SLC4A4: variants seen among roughly 807,000 people sequenced by gnomAD.
SLC4A4 encodes the protein solute carrier family 4 member 4, also known as electrogenic sodium bicarbonate cotransporter 1.
Under a neutral mutation model 111.5 loss-of-function variants are expected in SLC4A4, and 27 were observed. That is an observed-to-expected ratio of 0.24 (90% confidence interval 0.18 to 0.33). The LOEUF (loss-of-function observed/expected upper bound fraction) is 0.33, where lower values mean the gene tolerates loss of function less well. Among genes scored for constraint, SLC4A4 ranks in the 10% least tolerant of loss-of-function variants. The probability of loss-of-function intolerance (pLI) is 1.00; values close to 1 mark genes in which losing one functional copy is unlikely to be tolerated. For missense variants in SLC4A4, 909 were observed against 1,315.5 expected, an observed-to-expected ratio of 0.69 and a Z score of 4.78; for synonymous variants, 443 against 463.4, an observed-to-expected ratio of 0.96 and a Z score of 0.57.
chr4:71,101,379 A>G (rs766541236), intron 2 of SLC4A4, among the ~76,000 whole-genome samples: 2 of 152,252 alleles, frequency 1.3e-5, no homozygotes, highest in Non-Finnish European at 2.9e-5. Flanking sequence ...AACTACATTG[A>G]CATTCAAACA....
chr4:71,493,332 T>C (rs1346495150), intron 15 of SLC4A4, among the ~76,000 whole-genome samples: 2 of 152,010 alleles, frequency 1.3e-5, no homozygotes, highest in Admixed American at 6.6e-5. Context: ...CCAGCAACTC[T>C]AAATTGAAAG....
rs113212960 is a variant in SLC4A4, at chr4:71,332,492, G to T, written c.254-6878G>T. 1.3e-4 allele frequency among the ~76,000 whole-genome samples: 20 copies of T among 148,992 alleles called. No individual in the cohort carries two copies. The East Asian group carries it at 2.7e-3, about 20-fold the overall frequency. ...CGGAGTCTCGTTCTGTCGCCCAGGCGGGAGTGCTGTGGCGCGATCTCCGCT... is the reference window on the plus strand; with the variant it reads ...CGGAGTCTCGTTCTGTCGCCCAGGCTGGAGTGCTGTGGCGCGATCTCCGCT... On this transcript the variant is annotated intron_variant, in intron 3 of 25. Transcript: ENST00000264485.
chr4:71,089,593 G>C (rs1742314815), intron 1 of SLC4A4, among the ~76,000 whole-genome samples: 2 of 152,004 alleles, frequency 1.3e-5, no homozygotes, highest in Non-Finnish European at 2.9e-5. Flanking sequence ...TGTCCTTTCT[G>C]TTTGTTAGTT....
intron 3 of SLC4A4, 194 bp from the exon 4 acceptor site, chr4:71,339,176 A>G: frequency 6.2e-7 from 1 of 1,613,842 alleles, no homozygotes; most frequent in Non-Finnish European, 8.5e-7. Context: ...ACAGTTCAGA[A>G]CCAAAGGAAT....
At chr4:71,507,592 G>A (rs1731533269) in intron 16 of SLC4A4, among the ~76,000 whole-genome samples, 1 of 152,150 alleles carries the variant, frequency 6.6e-6, no homozygotes, top group Non-Finnish European at 1.5e-5. Context: ...GATTTAAAAA[G>A]CAAGTTATTA....
At chr4:71,359,550 G>A (rs891766786) in intron 6 of SLC4A4, among the ~76,000 whole-genome samples, 6 of 152,164 alleles carry the variant, frequency 3.9e-5, no homozygotes, top group Admixed American at 3.9e-4. Context: ...TAACTGGAAA[G>A]TTTGCGTAGT....
chr4:71,504,302 T>G (rs1472464635), intron 16 of SLC4A4, among the ~76,000 whole-genome samples: 1 of 152,186 alleles, frequency 6.6e-6, no homozygotes, highest in Non-Finnish European at 1.5e-5. Flanking sequence ...CAAAGATTTA[T>G]TCACTTAATT....
At chr4:71,435,697 T>G (rs981334297) in intron 7 of SLC4A4, among the ~76,000 whole-genome samples, 1 of 152,048 alleles carries the variant, frequency 6.6e-6, no homozygotes, top group Non-Finnish European at 1.5e-5. Context: ...TACAAAGAAC[T>G]TAAACAAATT....
chr4:71,275,886 G>A (rs538469583), intron 3 of SLC4A4, among the ~76,000 whole-genome samples: 5 of 152,314 alleles, frequency 3.3e-5, no homozygotes, highest in Non-Finnish European at 5.9e-5. Flanking sequence ...TCTTTCTGAA[G>A]GCATGCTTCT....
chr4:71,078,393 G>T (rs12374312), intron 1 of SLC4A4, among the ~76,000 whole-genome samples: 14,039 of 152,068 alleles, frequency 0.092, 833 homozygotes, highest in African/African-American at 0.17. Flanking sequence ...GTAATGAGTT[G>T]CTTAGAAGTC....
At chr4:71,231,086 CAG>C (rs1247622041) in intron 1 of SLC4A4, among the ~76,000 whole-genome samples, 7 of 152,242 alleles carry the variant, frequency 4.6e-5, no homozygotes, top group South Asian at 2.1e-4. Context: ...GGAGGCGTAA[CAG>C]GGGAGGGATG....
At chr4:71,386,745 T>C (rs1218538945) in intron 6 of SLC4A4, among the ~76,000 whole-genome samples, 1 of 152,204 alleles carries the variant, frequency 6.6e-6, no homozygotes, top group African/African-American at 2.4e-5. Context: ...ATTAGAACTT[T>C]TATTTCAAGT....
chr4:71,361,082 A>G (rs1385218136), intron 6 of SLC4A4, among the ~76,000 whole-genome samples: 2 of 152,136 alleles, frequency 1.3e-5, no homozygotes, highest in African/African-American at 2.4e-5. Flanking sequence ...GCTCCACCCC[A>G]GTGCGCACTC....
chr4:71,545,906 G>T (rs937790133), intron 18 of SLC4A4, among the ~76,000 whole-genome samples: 3 of 152,010 alleles, frequency 2.0e-5, no homozygotes, highest in Non-Finnish European at 2.9e-5. Flanking sequence ...TACCACTACT[G>T]CCGCTATCAC....
intron 1 of SLC4A4, among the ~76,000 whole-genome samples, chr4:71,191,602 C>A (rs1022666236): frequency 4.6e-5 from 7 of 152,106 alleles, no homozygotes; most frequent in African/African-American, 1.7e-4. Flanking sequence ...TGATGGTTTC[C>A]ATTTTCTGTT....
intron 6 of SLC4A4, among the ~76,000 whole-genome samples, chr4:71,384,854 A>G (rs551489776): frequency 6.6e-6 from 1 of 151,788 alleles, no homozygotes; most frequent in East Asian, 1.9e-4. Flanking sequence ...AGGATGTAGG[A>G]GCATCACACA....
At chr4:71,565,070 T>C (rs1253994169) in intron 24 of SLC4A4, among the ~76,000 whole-genome samples, 2 of 151,588 alleles carry the variant, frequency 1.3e-5, no homozygotes, top group Non-Finnish European at 3.0e-5. Flanking sequence ...TACTCCACAG[T>C]GTGGGAGTGG....
At chr4:71,475,269 G>A (rs767292343) in intron 14 of SLC4A4, among the ~76,000 whole-genome samples, 65 of 151,742 alleles carry the variant, frequency 4.3e-4, no homozygotes, top group Admixed American at 2.4e-3. Flanking sequence ...TACCTGAGGC[G>A]AATGGAAACT....
intron 3 of SLC4A4, among the ~76,000 whole-genome samples, chr4:71,309,157 C>A (rs1312835265): frequency 2.0e-5 from 3 of 152,206 alleles, no homozygotes; most frequent in Non-Finnish European, 4.4e-5. Flanking sequence ...GACTGCCTTT[C>A]TAGATTCCTC....
Sources: allele counts gnomAD v4.1 joint callset (sites outside exome capture counted in the v4.1 genomes callset), GRCh38; gene constraint gnomAD v4.1.1; transcripts MANE v1.5; gene names NCBI Gene and HGNC (gene_info 2026-07-23, HGNC 2026-07-21).